NEBL: variants seen among roughly 807,000 people sequenced by gnomAD.
NEBL encodes the protein nebulette, also known as LIM and SH3 protein 2.
Under a neutral mutation model 140.2 loss-of-function variants are expected in NEBL, and 122 were observed. The ratio of observed to expected loss-of-function variants is 0.87; its 90% CI spans 0.75 to 1.01. The LOEUF is 1.01. Among genes scored for constraint, NEBL ranks in the 50% least tolerant of loss-of-function variants. The pLI is 0.00. For missense variants in NEBL, 1,365 were observed against 1,231.3 expected (o/e 1.11, Z -1.62); for synonymous variants, 436 against 398.9 (o/e 1.09, Z -1.11).
chr10:20,862,575 C>T (rs1159481148), intron 7 of NEBL, among the ~76,000 whole-genome samples: 1 of 152,218 alleles, frequency 6.6e-6, no homozygotes. Flanking sequence ...GTTCATACAT[C>T]TGTGTGTCTA....
chr10:21,130,003 A>G (rs970058909), intron 2 of NEBL, among the ~76,000 whole-genome samples: 2 of 152,078 alleles, frequency 1.3e-5, no homozygotes, highest in Non-Finnish European at 2.9e-5. Flanking sequence ...TCTACAAGAA[A>G]CCCATTTTAA....
intron 2 of NEBL, among the ~76,000 whole-genome samples, chr10:20,891,922 A>G (rs373718699): frequency 9.2e-5 from 14 of 152,354 alleles, no homozygotes; most frequent in African/African-American, 3.4e-4. Flanking sequence ...GATACATATT[A>G]GTAGCCTTCC....
chr10:21,227,245 T>C (rs879839828), intron 3 of NEBL, among the ~76,000 whole-genome samples: 4 of 152,198 alleles, frequency 2.6e-5, no homozygotes, highest in Non-Finnish European at 5.9e-5. Context: ...TTTCAGGACA[T>C]CCTCCTTGCC....
At chr10:21,060,458 C>T (rs1408323485) in intron 2 of NEBL, among the ~76,000 whole-genome samples, 1 of 152,200 alleles carries the variant, frequency 6.6e-6, no homozygotes, top group Non-Finnish European at 1.5e-5. Flanking sequence ...GCTTGTTAAA[C>T]CAGCCTTATT....
intron 2 of NEBL, among the ~76,000 whole-genome samples, chr10:21,043,507 T>C (rs1834360757): frequency 6.6e-6 from 1 of 152,236 alleles, no homozygotes; most frequent in African/African-American, 2.4e-5. Flanking sequence ...ATTTTCTCTT[T>C]AACTAAATAG....
At chr10:20,895,324 CATA>C (rs972631731) in intron 2 of NEBL, among the ~76,000 whole-genome samples, 173 of 151,694 alleles carry the variant, frequency 1.1e-3, no homozygotes, top group African/African-American at 4.1e-3. Context: ...ATAATAGTAA[CATA>C]ATAATAATAA....
At chr10:20,969,015 A>T (rs1421417904) in intron 3 of NEBL, among the ~76,000 whole-genome samples, 1 of 152,066 alleles carries the variant, frequency 6.6e-6, no homozygotes, top group East Asian at 1.9e-4. Flanking sequence ...TTTGGTGCTA[A>T]GCAGGTGCTA....
At chr10:20,871,666 T>C (rs2131255710) in intron 5 of NEBL, among the ~76,000 whole-genome samples, 1 of 152,320 alleles carries the variant, frequency 6.6e-6, no homozygotes, top group East Asian at 1.9e-4. Flanking sequence ...TTAGTATAAT[T>C]TCAGAAAGAA....
chr10:21,054,739 T>C (rs1834934871), intron 2 of NEBL, among the ~76,000 whole-genome samples: 1 of 152,318 alleles, frequency 6.6e-6, no homozygotes, highest in Admixed American at 6.5e-5. Flanking sequence ...ATTAATGTCA[T>C]TCAAATAAAT....
intron 3 of NEBL, among the ~76,000 whole-genome samples, chr10:20,964,370 C>T (rs546417531): frequency 6.6e-6 from 1 of 152,250 alleles, no homozygotes; most frequent in South Asian, 2.1e-4. Context: ...GTTTATTTGG[C>T]TTATGGTTCT....
At chr10:21,000,205 G>C (rs1157755567) in intron 3 of NEBL, among the ~76,000 whole-genome samples, 1 of 106,006 alleles carries the variant, frequency 9.4e-6, no homozygotes, top group Non-Finnish European at 1.8e-5. Flanking sequence ...GAATAGAGGG[G>C]GTATAGAGGG....
chr10:21,157,383 A>G (rs1293120636), intron 2 of NEBL, among the ~76,000 whole-genome samples: 1 of 152,128 alleles, frequency 6.6e-6, no homozygotes, highest in East Asian at 1.9e-4. Flanking sequence ...CAGCCTGGGC[A>G]ACATGGTGAA....
chr10:21,038,576 G>A (rs546022213), intron 2 of NEBL, among the ~76,000 whole-genome samples: 1 of 152,290 alleles, frequency 6.6e-6, no homozygotes, highest in East Asian at 1.9e-4. Flanking sequence ...ATTCCATGGT[G>A]CATATGTGCC....
chr10:21,197,259 G>A (rs1841667418), intron 3 of NEBL, among the ~76,000 whole-genome samples: 1 of 152,210 alleles, frequency 6.6e-6, no homozygotes, highest in Non-Finnish European at 1.5e-5. Context: ...GAATTCTGAA[G>A]CTGTAGCTGG....
intron 19 of NEBL, among the ~76,000 whole-genome samples, chr10:20,822,817 A>G (rs1012787379): frequency 6.6e-6 from 1 of 152,166 alleles, no homozygotes; most frequent in Non-Finnish European, 1.5e-5. Flanking sequence ...TCAAAGGTAC[A>G]AGAACAGTTG....
intron 4 of NEBL, among the ~76,000 whole-genome samples, chr10:20,909,458 A>C (rs1181581880): frequency 6.6e-6 from 1 of 152,178 alleles, no homozygotes; most frequent in Non-Finnish European, 1.5e-5. Flanking sequence ...TTGGACACAC[A>C]AATGAAGCAA....
Position 21,037,774 on chromosome 10 carries a change from T to C in NEBL, c.165-17573A>G, listed in dbSNP as rs539315637. Among the ~76,000 whole-genome samples, 33 of 152,090 alleles carry C rather than the reference T, an allele frequency of 2.2e-4. No homozygotes were observed. In the South Asian group the frequency reaches 6.9e-3, roughly 32 times the overall value. Reference sequence around the variant, plus strand: ...GAGAGATAGAATAATGGAATGAACATTCAAGATAAATTGGAGGTCAAAAAA... The same window carrying C: ...GAGAGATAGAATAATGGAATGAACACTCAAGATAAATTGGAGGTCAAAAAA... On this transcript the variant is annotated intron_variant, in intron 2 of 6. Coordinates refer to the NEBL transcript ENST00000417816.
At chr10:21,239,813 A>G (rs11012608) in intron 3 of NEBL, among the ~76,000 whole-genome samples, 36,777 of 151,928 alleles carry the variant, frequency 0.24, 5,266 homozygotes, top group African/African-American at 0.39. Flanking sequence ...TCAGGAGATC[A>G]AGACCATCCT....
At chr10:20,884,115 C>T (rs1250417209) in intron 4 of NEBL, among the ~76,000 whole-genome samples, 7 of 152,120 alleles carry the variant, frequency 4.6e-5, no homozygotes, top group Admixed American at 4.6e-4. Flanking sequence ...GTCATATACA[C>T]TTTGTTTATA....
Sources: gnomAD v4.1 joint callset for allele counts (sites outside exome capture counted in the v4.1 genomes callset) on GRCh38, gnomAD v4.1.1 for gene constraint, MANE v1.5 for transcripts, NCBI Gene and HGNC (gene_info 2026-07-23, HGNC 2026-07-21) for gene names.